FXR1: variants seen among roughly 807,000 people sequenced by gnomAD.
FXR1 encodes the protein FMR1 autosomal homolog 1.
Under a neutral mutation model 84.0 loss-of-function variants are expected in FXR1, and 15 were observed. The observed-to-expected ratio is 0.18, with a 90% CI of 0.12 to 0.27. The LOEUF is 0.27. Among genes scored for constraint, FXR1 ranks in the 10% least tolerant of loss-of-function variants. FXR1 has a pLI of 1.00. For synonymous variants in FXR1, 245 were observed against 250.7 expected, an observed-to-expected ratio of 0.98 and a Z score of 0.21; for missense variants, 480 against 774.4, an observed-to-expected ratio of 0.62 and a Z score of 4.51.
chr3:180,920,386 A>C (rs1718434075), intron 1 of FXR1, among the ~76,000 whole-genome samples: 1 of 152,198 alleles, frequency 6.6e-6, no homozygotes, highest in African/African-American at 2.4e-5. Flanking sequence ...AACTGAATTT[A>C]AATGATTTTT....
intron 14 of FXR1, among the ~76,000 whole-genome samples, chr3:180,968,972 G>C (rs528489882): frequency 6.6e-6 from 1 of 152,176 alleles, no homozygotes; most frequent in East Asian, 1.9e-4. Flanking sequence ...GGTATACCAC[G>C]TTAAGAAACC....
chr3:180,954,179 T>A (rs1412910110), intron 9 of FXR1: 1 of 182,062 alleles, frequency 5.5e-6, no homozygotes, highest in Non-Finnish European at 1.1e-5. Flanking sequence ...ATCACTGATA[T>A]ATATTCATCA....
intron 1 of FXR1, among the ~76,000 whole-genome samples, chr3:180,927,181 CTA>C (rs1223861509): frequency 2.0e-5 from 3 of 152,130 alleles, no homozygotes; most frequent in Admixed American, 1.3e-4. Context: ...GAGTTTAAAA[CTA>C]TATGAATTGG....
chr3:180,966,541 A>G (rs1238558473), intron 13 of FXR1, among the ~76,000 whole-genome samples: 1 of 152,182 alleles, frequency 6.6e-6, no homozygotes, highest in African/African-American at 2.4e-5. Flanking sequence ...AATCACTCTT[A>G]TCTGAGAGTT....
At chr3:180,953,919 T>C in intron 9 of FXR1, 79 bp downstream of exon 9, 1 of 735,358 alleles carries the variant, frequency 1.4e-6, no homozygotes, top group South Asian at 1.6e-5. Flanking sequence ...AAAACTAGTC[T>C]TGTAGTCTGA....
chr3:180,923,890 A>G (rs1718864695), intron 1 of FXR1, among the ~76,000 whole-genome samples: 2 of 152,010 alleles, frequency 1.3e-5, no homozygotes, highest in Admixed American at 1.3e-4. Flanking sequence ...ATCCTTCTTG[A>G]GAACTTTAAA....
chr3:180,974,851 A>C (rs1248164282), intron 15 of FXR1, among the ~76,000 whole-genome samples: 1 of 152,142 alleles, frequency 6.6e-6, no homozygotes, highest in African/African-American at 2.4e-5. Flanking sequence ...AAAAACACAC[A>C]CACACATTTG....
chr3:180,940,549 G>A (rs924800780), intron 3 of FXR1, among the ~76,000 whole-genome samples: 1 of 151,590 alleles, frequency 6.6e-6, no homozygotes, highest in African/African-American at 2.4e-5. Context: ...GACATCTAAG[G>A]TGATAACGTG....
intron 10 of FXR1, 38 bp from the exon 11 acceptor site, chr3:180,961,430 A>C: frequency 1.9e-6 from 2 of 1,070,216 alleles, no homozygotes; most frequent in Non-Finnish European, 2.9e-6. Flanking sequence ...CTTTGTTAAA[A>C]TATTAAACAC....
At chr3:180,919,927 A>G (rs886588275) in intron 1 of FXR1, among the ~76,000 whole-genome samples, 2 of 152,136 alleles carry the variant, frequency 1.3e-5, no homozygotes, top group East Asian at 1.9e-4. Flanking sequence ...CAGCCTCCCA[A>G]AGTGCTGGGA....
At chr3:180,973,698 AAGG>A (rs1713870728) in intron 15 of FXR1, among the ~76,000 whole-genome samples, 1 of 152,236 alleles carries the variant, frequency 6.6e-6, no homozygotes. Flanking sequence ...GTTTGGAAGG[AAGG>A]AGGCAGTTTC....
intron 13 of FXR1, among the ~76,000 whole-genome samples, chr3:180,964,997 A>G (rs577858374): frequency 6.6e-6 from 1 of 151,960 alleles, no homozygotes; most frequent in African/African-American, 2.4e-5. Context: ...TTGGTTAAAA[A>G]CACGATGTCA....
chr3:180,952,788 T>A (rs1576965973), intron 8 of FXR1, among the ~76,000 whole-genome samples: 7 of 152,026 alleles, frequency 4.6e-5, no homozygotes, highest in African/African-American at 1.7e-4. Context: ...CACACAATAA[T>A]TTGAGCTATG....
rs527560510 is a variant in FXR1 at position 180,949,159 on chromosome 3, A to G, written c.514-68A>G. On this transcript the variant is annotated intron_variant, in intron 6 of 16. Coordinates refer to ENST00000357559, the MANE Select transcript of FXR1 (RefSeq NM_005087.4). ...AAGCAAGGAAGGCTTTGCATAGAAG[A>G]TGGGATGGTGTTTGTGCTATTTGGA... is the stretch of plus-strand genomic sequence containing the variant. 9 of 830,738 alleles carry G rather than the reference A, an allele frequency of 1.1e-5. No homozygotes were observed. The African/African-American group carries it at 1.3e-4, about 12-fold the overall frequency. 51.5% of individuals were successfully genotyped at this position (830,738 alleles called of 1,614,324 possible).
intron 13 of FXR1, among the ~76,000 whole-genome samples, chr3:180,964,321 A>G (rs539345361): frequency 6.6e-6 from 1 of 152,314 alleles, no homozygotes; most frequent in African/African-American, 2.4e-5. Context: ...ACCATACATT[A>G]TTAGCATAGA....
At chr3:180,935,006 T>A (rs760479795) in intron 2 of FXR1, 132 bp from the exon 3 acceptor site, 2 of 540,650 alleles carry the variant, frequency 3.7e-6, no homozygotes, top group Non-Finnish European at 6.7e-6. Flanking sequence ...CTTGGGAAAT[T>A]ATTAATAGTA....
chr3:180,917,670 C>T (rs193297146), intron 1 of FXR1, among the ~76,000 whole-genome samples: 19 of 152,190 alleles, frequency 1.2e-4, no homozygotes, highest in Admixed American at 1.1e-3. Context: ...CAACTTAGGC[C>T]GGGCGCCGTG....
At chr3:180,917,404 C>T (rs978190655) in intron 1 of FXR1, among the ~76,000 whole-genome samples, 2 of 152,048 alleles carry the variant, frequency 1.3e-5, no homozygotes, top group East Asian at 1.9e-4. Flanking sequence ...ATTGAAAAAA[C>T]GATAATTGTC....
At position 180,976,304 on chromosome 3, in the gene FXR1, TC is replaced by T. The variant is rs753404522; in HGVS notation, c.*14del. On this transcript the variant is annotated 3_prime_UTR_variant, in exon 17 of 17. Coordinates refer to ENST00000357559, the MANE Select transcript of FXR1 (RefSeq NM_005087.4). ...ATGGTGTTTCATAAACTGAAGAAGT[TC>T]CTAGTTTACAGTTCTTTTACATTAC... The T allele has an allele frequency of 6.4e-7, 1 of 1,552,006 alleles. No individual in the cohort carries two copies. The highest frequency in any genetic ancestry group is 2.3e-5 in the East Asian group (1 of 43,724).
Sources: gnomAD v4.1 joint callset for allele counts (sites outside exome capture counted in the v4.1 genomes callset) on GRCh38, gnomAD v4.1.1 for gene constraint, MANE v1.5 for transcripts, NCBI Gene and HGNC (gene_info 2026-07-23, HGNC 2026-07-21) for gene names.